The following CDH18 variants were observed in gnomAD, a reference collection of about 807,000 sequenced individuals.
CDH18 encodes cadherin 18.
A neutral mutation model predicts 67.9 loss-of-function variants in CDH18; 31 were observed. The ratio of observed to expected loss-of-function variants is 0.46; its 90% CI spans 0.34 to 0.62. The LOEUF (loss-of-function observed/expected upper bound fraction) is 0.62. Among genes scored for constraint, CDH18 ranks in the 20% least tolerant of loss-of-function variants. The pLI is 0.01. For synonymous variants in CDH18, 362 were observed against 347.2 expected, an observed-to-expected ratio of 1.04 and a Z score of -0.48; for missense variants, 890 against 975.5, an observed-to-expected ratio of 0.91 and a Z score of 1.17.
intron 2 of CDH18, among the ~76,000 whole-genome samples, chr5:19,869,510 T>TA (rs1785980481): frequency 6.6e-6 from 1 of 152,092 alleles, no homozygotes. Flanking sequence ...TTTTATTTTC[T>TA]CTATCAAGAA....
intron 1 of CDH18, among the ~76,000 whole-genome samples, chr5:20,525,463 T>C (rs1347148255): frequency 6.6e-6 from 1 of 152,108 alleles, no homozygotes; most frequent in East Asian, 1.9e-4. Flanking sequence ...GATGGCTCCA[T>C]GTTCCAGGAC....
chr5:19,556,101 G>C (rs1341306539), intron 8 of CDH18, among the ~76,000 whole-genome samples: 1 of 152,188 alleles, frequency 6.6e-6, no homozygotes, highest in Non-Finnish European at 1.5e-5. Flanking sequence ...GAAACATCCT[G>C]TGGGAGAAAA....
In CDH18 at chr5:19,958,379, C is replaced by CAAAAAAAAA. The variant is rs57913629; in HGVS notation, c.-257+22672_-257+22680dup. 2.1e-4 allele frequency among the ~76,000 whole-genome samples: 14 copies of CAAAAAAAAA among 66,604 alleles called. 1 individual carries two copies. The highest frequency in any genetic ancestry group is 9.6e-4 in the East Asian group (2 of 2,082). 43.7% of individuals were successfully genotyped at this position (66,604 alleles called of 152,430 possible). On this transcript the variant is annotated intron_variant, in intron 2 of 12. Coordinates refer to ENST00000382275, the MANE Select transcript of CDH18 (RefSeq NM_004934.5). ...CTCAATAGGATGATCTTTCCTTCAC[C>CAAAAAAAAA]AAAAAAAAAAAAAAAAAAAAAGGAG...
At chr5:19,577,443 C>A (rs1356214345) in intron 7 of CDH18, among the ~76,000 whole-genome samples, 2 of 152,068 alleles carry the variant, frequency 1.3e-5, no homozygotes, top group East Asian at 1.9e-4. Flanking sequence ...CTTCCATTTT[C>A]CCCCTGTTGG....
chr5:20,062,323 C>T (rs1397836758), intron 2 of CDH18, among the ~76,000 whole-genome samples: 2 of 151,702 alleles, frequency 1.3e-5, no homozygotes, highest in Admixed American at 1.3e-4. Flanking sequence ...GCCTGGGCTA[C>T]TTGTATTTTT....
chr5:20,476,805 C>T (rs1386133675), intron 1 of CDH18, among the ~76,000 whole-genome samples: 1 of 152,004 alleles, frequency 6.6e-6, no homozygotes, highest in Non-Finnish European at 1.5e-5. Flanking sequence ...CTGTCTATAC[C>T]ATGTATCTAT....
chr5:19,913,537 G>A (rs1911847), intron 2 of CDH18, among the ~76,000 whole-genome samples: 28,659 of 151,930 alleles, frequency 0.19, 4,201 homozygotes, highest in African/African-American at 0.41. Context: ...TTCTATCACC[G>A]TTGCAAACCT....
intron 1 of CDH18, among the ~76,000 whole-genome samples, chr5:20,507,163 C>A (rs903909570): frequency 1.3e-5 from 2 of 152,182 alleles, no homozygotes; most frequent in Non-Finnish European, 2.9e-5. Context: ...CAGTTTTGAG[C>A]CAGCCCAGTG....
chr5:20,134,788 G>A (rs935932289), intron 2 of CDH18, among the ~76,000 whole-genome samples: 2 of 152,078 alleles, frequency 1.3e-5, no homozygotes, highest in African/African-American at 2.4e-5. Flanking sequence ...GTACTCCTCA[G>A]AAAGTCTGTG....
chr5:20,474,259 A>G (rs1193524546), intron 1 of CDH18, among the ~76,000 whole-genome samples: 1 of 152,132 alleles, frequency 6.6e-6, no homozygotes, highest in Non-Finnish European at 1.5e-5. Context: ...AGCCTGGGCG[A>G]CAGAGCAAGA....
intron 1 of CDH18, among the ~76,000 whole-genome samples, chr5:20,384,240 C>A (rs2150105119): frequency 6.6e-6 from 1 of 152,152 alleles, no homozygotes; most frequent in Non-Finnish European, 1.5e-5. Flanking sequence ...ACCCAAGGAA[C>A]AACTCATTTC....
chr5:20,170,408 T>A (rs928483691), intron 2 of CDH18, among the ~76,000 whole-genome samples: 5 of 152,176 alleles, frequency 3.3e-5, no homozygotes, highest in Non-Finnish European at 7.3e-5. Context: ...TACCACATTT[T>A]CTTTATCCAG....
At chr5:19,540,735 C>T (rs1353401018) in intron 9 of CDH18, among the ~76,000 whole-genome samples, 1 of 152,118 alleles carries the variant, frequency 6.6e-6, no homozygotes, top group Non-Finnish European at 1.5e-5. Flanking sequence ...GCTGGTGCGA[C>T]TGGGATGCAG....
rs904269430 is a variant in CDH18, at chr5:20,375,710, G to C, written c.-579-120205C>G. Among the ~76,000 whole-genome samples the C allele has an allele frequency of 2.6e-5, 4 of 151,992 alleles. No homozygotes were observed. The East Asian group carries it at 7.7e-4, about 29-fold the overall frequency. On this transcript the variant is annotated intron_variant, in intron 1 of 14. Coordinates refer to the CDH18 transcript ENST00000507958. ...ACAGAGCATAATTTTCCCTCTGCTGGATACAAATTAATTGTGCTCAATTTT... is the reference window on the plus strand; with the variant it reads ...ACAGAGCATAATTTTCCCTCTGCTGCATACAAATTAATTGTGCTCAATTTT...
At chr5:20,528,600 A>C (rs1350549589) in intron 1 of CDH18, among the ~76,000 whole-genome samples, 2 of 152,032 alleles carry the variant, frequency 1.3e-5, no homozygotes, top group Non-Finnish European at 2.9e-5. Context: ...TAAGAAACCC[A>C]CTCAAAACCA....
intron 1 of CDH18, among the ~76,000 whole-genome samples, chr5:20,358,473 A>C (rs939361570): frequency 6.6e-6 from 1 of 152,104 alleles, no homozygotes; most frequent in Admixed American, 6.6e-5. Context: ...TTTTGTGGAG[A>C]GGTAGGTGTT....
chr5:20,224,605 A>T (rs996339110), intron 2 of CDH18, among the ~76,000 whole-genome samples: 11 of 150,312 alleles, frequency 7.3e-5, no homozygotes, highest in African/African-American at 2.5e-4. Flanking sequence ...TTGATTTCTT[A>T]TTTTCTGCTA....
chr5:20,303,715 G>GT (rs1736150270), intron 1 of CDH18, among the ~76,000 whole-genome samples: 1 of 152,126 alleles, frequency 6.6e-6, no homozygotes, highest in Non-Finnish European at 1.5e-5. Flanking sequence ...CCCACGGGTT[G>GT]TAAGAGCCTT....
intron 1 of CDH18, among the ~76,000 whole-genome samples, chr5:20,477,528 C>T (rs1752521951): frequency 6.6e-6 from 1 of 152,168 alleles, no homozygotes; most frequent in Non-Finnish European, 1.5e-5. Context: ...GCTTCCCTGT[C>T]ACAGCAAAAA....
Sources: gnomAD v4.1 joint callset for allele counts (sites outside exome capture counted in the v4.1 genomes callset) on GRCh38, gnomAD v4.1.1 for gene constraint, MANE v1.5 for transcripts, NCBI Gene and HGNC (gene_info 2026-07-23, HGNC 2026-07-21) for gene names.